The following GNAQ variants were observed in gnomAD, a reference collection of about 807,000 sequenced individuals.
GNAQ encodes the protein G protein subunit alpha q.
GNAQ carries 8 observed loss-of-function variants against 43.9 expected under a neutral mutation model. The ratio of observed to expected loss-of-function variants is 0.18; its 90% CI spans 0.11 to 0.33. The LOEUF is 0.33. Among genes scored for constraint, GNAQ ranks in the 10% least tolerant of loss-of-function variants. The probability of loss-of-function intolerance (pLI) is 1.00; values close to 1 mark genes in which losing one functional copy is unlikely to be tolerated. For synonymous variants in GNAQ, 155 were observed against 170.7 expected (o/e 0.91, Z 0.71); for missense variants, 158 against 450.8 (o/e 0.35, Z 5.88).
intron 2 of GNAQ, among the ~76,000 whole-genome samples, chr9:77,920,389 T>G (rs1456922489): frequency 6.6e-6 from 1 of 152,126 alleles, no homozygotes; most frequent in Admixed American, 6.6e-5. Flanking sequence ...AAACTGGCAG[T>G]GTGGTGTGTA....
intron 2 of GNAQ, among the ~76,000 whole-genome samples, chr9:77,820,134 A>T (rs1430507049): frequency 2.6e-5 from 4 of 151,528 alleles, no homozygotes; most frequent in Non-Finnish European, 5.9e-5. Context: ...AATATAAACC[A>T]TGGTACAAAT....
chr9:78,000,307 T>C (rs1332022644), intron 1 of GNAQ, among the ~76,000 whole-genome samples: 2 of 152,224 alleles, frequency 1.3e-5, no homozygotes, highest in Admixed American at 6.5e-5. Flanking sequence ...CTCTGGTAAG[T>C]AAGCTGATGA....
intron 5 of GNAQ, among the ~76,000 whole-genome samples, chr9:77,764,991 CAT>C (rs765712482): frequency 2.2e-4 from 33 of 152,300 alleles, no homozygotes; most frequent in Non-Finnish European, 3.4e-4. Context: ...ACATACATCT[CAT>C]ATTTTTGTGA....
intron 3 of GNAQ, among the ~76,000 whole-genome samples, chr9:77,811,612 T>C (rs1826926896): frequency 6.6e-6 from 1 of 152,204 alleles, no homozygotes; most frequent in South Asian, 2.1e-4. Context: ...TGGAGAAACA[T>C]GTGGAACACA....
intron 1 of GNAQ, among the ~76,000 whole-genome samples, chr9:78,029,095 T>C (rs1487447779): frequency 6.6e-6 from 1 of 152,168 alleles, no homozygotes; most frequent in African/African-American, 2.4e-5. Flanking sequence ...ATACACAGTA[T>C]GGAATTAAGC....
intron 5 of GNAQ, among the ~76,000 whole-genome samples, chr9:77,741,038 T>C (rs2118258866): frequency 1.3e-5 from 2 of 152,362 alleles, no homozygotes; most frequent in Middle Eastern, 3.4e-3. Context: ...TTCAAGTAAT[T>C]TTCATGTGTC....
At chr9:77,965,834 C>T (rs1186834652) in intron 1 of GNAQ, among the ~76,000 whole-genome samples, 1 of 137,986 alleles carries the variant, frequency 7.2e-6, no homozygotes, top group Non-Finnish European at 1.6e-5. Context: ...GGATTTACTC[C>T]GAGCAAAAAA....
At chr9:77,733,757 A>AT (rs1825531996) in intron 5 of GNAQ, among the ~76,000 whole-genome samples, 1 of 152,348 alleles carries the variant, frequency 6.6e-6, no homozygotes, top group African/African-American at 2.4e-5. Flanking sequence ...ATGCATCATC[A>AT]CAGGCCCACA....
intron 2 of GNAQ, among the ~76,000 whole-genome samples, chr9:77,874,258 T>A (rs948670448): frequency 6.6e-6 from 1 of 152,176 alleles, no homozygotes; most frequent in African/African-American, 2.4e-5. Flanking sequence ...TTCCCTTGGG[T>A]AAGTCCATAA....
intron 1 of GNAQ, among the ~76,000 whole-genome samples, chr9:77,950,223 T>G (rs1162325289): frequency 3.3e-5 from 5 of 152,214 alleles, no homozygotes; most frequent in Admixed American, 3.3e-4. Flanking sequence ...ATCATGAAAT[T>G]CTCAATTCCT....
chr9:77,800,635 G>A (rs1158371074), intron 3 of GNAQ, among the ~76,000 whole-genome samples: 4 of 151,990 alleles, frequency 2.6e-5, no homozygotes, highest in Admixed American at 2.0e-4. Flanking sequence ...TGGGTGCAGC[G>A]CACCAGCATG....
chr9:78,019,181 T>C (rs1823874309), intron 1 of GNAQ, among the ~76,000 whole-genome samples: 1 of 152,238 alleles, frequency 6.6e-6, no homozygotes, highest in Admixed American at 6.5e-5. Flanking sequence ...ACTGTTTCTC[T>C]GAAAATGATA....
intron 2 of GNAQ, among the ~76,000 whole-genome samples, chr9:77,906,790 C>G (rs1828716694): frequency 6.6e-6 from 1 of 152,164 alleles, no homozygotes; most frequent in Admixed American, 6.5e-5. Context: ...AGTACAACTC[C>G]AAACCTCAAT....
rs1008596294 is a variant in GNAQ at position 77,716,766 on chromosome 9, A to G, written c.*4557T>C. On this transcript the variant is annotated 3_prime_UTR_variant, in exon 7 of 7. Transcript: ENST00000286548. ...TCATAACATGTAAATGTCATTTGCT[A>G]TATTGGGTTGGAATCATACGGGGAA... is the stretch of plus-strand genomic sequence containing the variant. The G allele has an allele frequency of 1.3e-5, 3 of 232,888 alleles. No individual in the cohort carries two copies. The highest frequency in any genetic ancestry group is 6.1e-5 in the East Asian group (1 of 16,488). 14.4% of individuals were successfully genotyped at this position (232,888 alleles called of 1,614,324 possible).
intron 1 of GNAQ, among the ~76,000 whole-genome samples, chr9:77,946,622 G>C (rs2118360528): frequency 6.6e-6 from 1 of 152,218 alleles, no homozygotes; most frequent in South Asian, 2.1e-4. Context: ...AGGCAATGCA[G>C]AATAAGACAA....
intron 1 of GNAQ, among the ~76,000 whole-genome samples, chr9:77,973,014 GAAAA>G (rs10541482): frequency 5.8e-4 from 67 of 114,692 alleles, no homozygotes; most frequent in East Asian, 1.0e-3. Flanking sequence ...AAAAAGAAAG[GAAAA>G]AAAAAAAAAA....
At chr9:77,962,684 G>A (rs1397391783) in intron 1 of GNAQ, among the ~76,000 whole-genome samples, 1 of 151,980 alleles carries the variant, frequency 6.6e-6, no homozygotes, top group African/African-American at 2.4e-5. Context: ...GAGGTCAGGA[G>A]TGTGAAGCCA....
At chr9:77,874,111 AAAAAAC>A (rs1828090180) in intron 2 of GNAQ, among the ~76,000 whole-genome samples, 2 of 135,920 alleles carry the variant, frequency 1.5e-5, no homozygotes, top group African/African-American at 3.3e-5. Flanking sequence ...TCTCAAAAAA[AAAAAAC>A]AAAAAAACAA....
intron 5 of GNAQ, among the ~76,000 whole-genome samples, chr9:77,745,593 G>A (rs140360197): frequency 1.1e-3 from 145 of 127,716 alleles, no homozygotes; most frequent in African/African-American, 4.3e-3. Context: ...TTATGATTCA[G>A]CAGGTCATGC....
Sources: gnomAD v4.1 joint callset for allele counts (sites outside exome capture counted in the v4.1 genomes callset) on GRCh38, gnomAD v4.1.1 for gene constraint, MANE v1.5 for transcripts, NCBI Gene and HGNC (gene_info 2026-07-23, HGNC 2026-07-21) for gene names.